Variants in PARD3 observed in about 807,000 individuals in gnomAD.
The protein encoded by PARD3 is par-3 family cell polarity regulator, also known as partitioning defective 3 homolog.
Under a neutral mutation model 155.4 loss-of-function variants are expected in PARD3, and 75 were observed. The ratio of observed to expected loss-of-function variants is 0.48; its 90% CI spans 0.40 to 0.58. PARD3 has a LOEUF of 0.58. Among genes scored for constraint, PARD3 ranks in the 20% least tolerant of loss-of-function variants. The probability of loss-of-function intolerance (pLI) is 0.00; values close to 1 mark genes in which losing one functional copy is unlikely to be tolerated. For missense variants in PARD3, 1,642 were observed against 1,721.7 expected (o/e 0.95, Z 0.82); for synonymous variants, 576 against 610.5 (o/e 0.94, Z 0.83).
At chr10:34,211,282 G>A (rs75572339) in intron 22 of PARD3, among the ~76,000 whole-genome samples, 6,999 of 152,242 alleles carry the variant, frequency 0.046, 246 homozygotes, top group Non-Finnish European at 0.063. Flanking sequence ...GTTCTGGCCC[G>A]TGTGACCCCA....
intron 5 of PARD3, among the ~76,000 whole-genome samples, chr10:34,418,735 C>T (rs1369189342): frequency 6.6e-6 from 1 of 152,074 alleles, no homozygotes; most frequent in Non-Finnish European, 1.5e-5. Context: ...TTTCAGAGGG[C>T]AAGTAACTCC....
chr10:34,411,732 CTAGATAGA>C (rs3040339), intron 5 of PARD3, among the ~76,000 whole-genome samples: 26,769 of 148,076 alleles, frequency 0.18, 2,691 homozygotes, highest in Non-Finnish European at 0.23. Context: ...ACATACATAT[CTAGATAGA>C]TAGATAGATA....
At chr10:34,694,105 TA>T (rs2094119103) in intron 2 of PARD3, among the ~76,000 whole-genome samples, 1 of 150,186 alleles carries the variant, frequency 6.7e-6, no homozygotes, top group Non-Finnish European at 1.5e-5. Context: ...GTGCTATTTT[TA>T]CATAGGAAGT....
At chr10:34,460,663 C>G (rs2077589034) in intron 4 of PARD3, among the ~76,000 whole-genome samples, 1 of 152,002 alleles carries the variant, frequency 6.6e-6, no homozygotes, top group African/African-American at 2.4e-5. Context: ...GAAACCCCGT[C>G]TCTACTAAAA....
At chr10:34,526,264 C>T (rs934088839) in intron 2 of PARD3, among the ~76,000 whole-genome samples, 1 of 152,046 alleles carries the variant, frequency 6.6e-6, no homozygotes, top group Admixed American at 6.6e-5. Flanking sequence ...CGTTAGTGAG[C>T]AAGCAACTGG....
intron 5 of PARD3, among the ~76,000 whole-genome samples, chr10:34,444,274 T>TG (rs1679074578): frequency 6.6e-6 from 1 of 152,240 alleles, no homozygotes; most frequent in Non-Finnish European, 1.5e-5. Context: ...CTCTACCTTC[T>TG]GGTCCTAAAT....
Position 34,192,923 on chromosome 10 carries a change from TA to T in PARD3, c.3420-61341del, listed in dbSNP as rs546272218. ...AAGTCTGTTTTTGAGGTAAAGGCAT[TA>T]AAACTAGAACGTATTTTTATGACAT... On this transcript the variant is annotated intron_variant, in intron 22 of 24. Transcript: ENST00000374788. 5.6e-4 allele frequency among the ~76,000 whole-genome samples: 85 copies of T among 152,336 alleles called. 1 individual carries two copies. Among genetic ancestry groups the T allele is most frequent in the Middle Eastern group, 6.8e-3 (2 of 294 alleles).
At chr10:34,232,307 G>T (rs900560790) in intron 22 of PARD3, among the ~76,000 whole-genome samples, 5 of 152,046 alleles carry the variant, frequency 3.3e-5, no homozygotes, top group Non-Finnish European at 7.3e-5. Context: ...AAAGATGACT[G>T]GACCTGGATA....
At chr10:34,325,560 AC>A (rs1366375894) in intron 19 of PARD3, among the ~76,000 whole-genome samples, 2 of 151,618 alleles carry the variant, frequency 1.3e-5, no homozygotes, top group African/African-American at 4.9e-5. Context: ...ACTAACTTAC[AC>A]ACTACAATGG....
At chr10:34,425,803 A>C (rs1286285485) in intron 5 of PARD3, among the ~76,000 whole-genome samples, 1 of 152,218 alleles carries the variant, frequency 6.6e-6, no homozygotes. Context: ...CTTGTGCTTC[A>C]AAGCCTAAAG....
At chr10:34,764,623 T>C (rs76763978) in intron 1 of PARD3, among the ~76,000 whole-genome samples, 3,608 of 152,144 alleles carry the variant, frequency 0.024, 146 homozygotes, top group African/African-American at 0.083. Flanking sequence ...TTCTACTCTC[T>C]GTTTACTTTG....
chr10:34,120,004 A>ATTTTTTT lies in PARD3; in HGVS notation c.3541-271_3541-265dup, dbSNP rs1185067110. Among the ~76,000 whole-genome samples, 44 of 73,822 alleles carry ATTTTTTT rather than the reference A, an allele frequency of 6.0e-4. 7 individuals are homozygous for ATTTTTTT. Among genetic ancestry groups the ATTTTTTT allele is most frequent in the African/African-American group, 1.7e-3 (29 of 17,052 alleles). 48.4% of individuals were successfully genotyped at this position (73,822 alleles called of 152,430 possible). A position where few individuals can be genotyped will look rare whatever the true frequency, so the allele number is the denominator to read the frequency against. ...AGATCAAACTTTCTAGTCTTCTTTAATTTTTTTTTTTTTTTTTTTTTTTTT... is the reference window on the plus strand; with the variant it reads ...AGATCAAACTTTCTAGTCTTCTTTAATTTTTTTTTTTTTTTTTTTTTTTTTTTTTTTT... On this transcript the variant is annotated intron_variant, in intron 23 of 24. Transcript: ENST00000374788.
Position 34,269,724 on chromosome 10 carries a change from G to A in PARD3, c.3352C>T (p.His1118Tyr), listed in dbSNP as rs141530106. Residue 1118 changes from histidine (H) to tyrosine (Y), a missense_variant, in exon 22 of 25, where the codon CAT (histidine) becomes TAT (tyrosine). Around this residue, in one of 3 missense-constraint regions of PARD3, gnomAD observed 1,529 missense variants for 1,587.3 expected, o/e 0.96. Coordinates refer to ENST00000374788, the MANE Select transcript of PARD3 (RefSeq NM_001184785.2). ...NARPQSPREG[H>Y]MMDALYAQVK... ...TGGGCATACAAAGCATCCATCATAT[G>A]CCCTTCTCGTGGGCTCTGAGGTCTA... The A allele has an allele frequency of 6.9e-5, 111 of 1,614,022 alleles. No homozygotes were observed. The highest frequency in any genetic ancestry group is 3.7e-4 in the Admixed American group (22 of 59,996).
intron 20 of PARD3, among the ~76,000 whole-genome samples, chr10:34,296,879 G>A (rs1956936132): frequency 6.6e-6 from 1 of 152,142 alleles, no homozygotes. Flanking sequence ...ATTCTTGGGA[G>A]GCTGAGGTCA....
intron 23 of PARD3, among the ~76,000 whole-genome samples, chr10:34,124,670 T>C (rs915360718): frequency 2.0e-5 from 3 of 152,206 alleles, no homozygotes; most frequent in Non-Finnish European, 1.5e-5. Context: ...ATGTGAGTAA[T>C]GGCTGAAAAG....
chr10:34,198,148 A>C (rs1951038212), intron 22 of PARD3, among the ~76,000 whole-genome samples: 1 of 151,932 alleles, frequency 6.6e-6, no homozygotes, highest in Non-Finnish European at 1.5e-5. Flanking sequence ...AAGTTGTAAA[A>C]AATTCAATAA....
chr10:34,501,236 G>A (rs187548769), intron 3 of PARD3, among the ~76,000 whole-genome samples: 4 of 152,240 alleles, frequency 2.6e-5, no homozygotes, highest in Non-Finnish European at 4.4e-5. Context: ...TCCTGGGGAC[G>A]ATTCCTTCAT....
intron 22 of PARD3, among the ~76,000 whole-genome samples, chr10:34,234,806 T>C (rs12264431): frequency 1.2e-3 from 185 of 152,334 alleles, no homozygotes; most frequent in African/African-American, 4.2e-3. Flanking sequence ...AATGAGTAAA[T>C]GGATATCATT....
At chr10:34,662,526 GAATA>G (rs1477468197) in intron 2 of PARD3, among the ~76,000 whole-genome samples, 4 of 152,254 alleles carry the variant, frequency 2.6e-5, no homozygotes, top group South Asian at 2.1e-4. Context: ...ACAGATGAAT[GAATA>G]AAGAAAATCT....
Sources: gnomAD v4.1 joint callset for allele counts (sites outside exome capture counted in the v4.1 genomes callset) on GRCh38, gnomAD v4.1.1 for gene constraint, gnomAD v4.1.1 regional missense constraint, MANE v1.5 for transcripts, NCBI Gene and HGNC (gene_info 2026-07-23, HGNC 2026-07-21) for gene names.